BCL11A: variants seen among roughly 807,000 people sequenced by gnomAD.
The protein encoded by BCL11A is BCL11 transcription factor A.
A neutral mutation model predicts 55.9 loss-of-function variants in BCL11A; 2 were observed. The observed-to-expected ratio is 0.04, with a 90% CI of 0.01 to 0.11. The LOEUF is 0.11. Ranked by LOEUF, BCL11A falls within the 10% of genes least tolerant of loss-of-function variation. The probability of loss-of-function intolerance (pLI) is 1.00; values close to 1 mark genes in which losing one functional copy is unlikely to be tolerated. For missense variants in BCL11A, 817 were observed against 1,137.1 expected, an observed-to-expected ratio of 0.72 and a Z score of 4.05; for synonymous variants, 465 against 473.4, an observed-to-expected ratio of 0.98 and a Z score of 0.23.
chr2:60,540,198 C>A (rs1263305449), intron 2 of BCL11A, among the ~76,000 whole-genome samples: 1 of 151,910 alleles, frequency 6.6e-6, no homozygotes, highest in Admixed American at 6.6e-5. Context: ...GAAATCTGAA[C>A]AAGCAGAAAG....
At chr2:60,509,179 A>G (rs373095798) in intron 2 of BCL11A, among the ~76,000 whole-genome samples, 5 of 152,334 alleles carry the variant, frequency 3.3e-5, no homozygotes, top group South Asian at 2.1e-4. Flanking sequence ...TTACCCCCCA[A>G]TAATTTACTT....
intron 1 of BCL11A, among the ~76,000 whole-genome samples, chr2:60,552,978 T>A (rs2104800161): frequency 6.6e-6 from 1 of 151,790 alleles, no homozygotes; most frequent in Non-Finnish European, 1.5e-5. Flanking sequence ...CAAATTTTTG[T>A]AAAATTAAAT....
At chr2:60,524,741 G>T (rs1669136004) in intron 2 of BCL11A, 1 of 152,154 alleles carries the variant, frequency 6.6e-6, no homozygotes. Flanking sequence ...GATAATAAAA[G>T]AAAGTTTTAG....
chr2:60,476,183 C>G (rs1205763444), intron 2 of BCL11A, among the ~76,000 whole-genome samples: 2 of 152,164 alleles, frequency 1.3e-5, no homozygotes, highest in East Asian at 1.9e-4. Flanking sequence ...CAGGGCTGGG[C>G]TTGGTCCCCA....
At chr2:60,496,189 C>A (rs1678939261) in intron 2 of BCL11A, among the ~76,000 whole-genome samples, 1 of 152,208 alleles carries the variant, frequency 6.6e-6, no homozygotes, top group Non-Finnish European at 1.5e-5. Flanking sequence ...CGGGAAAGTT[C>A]TGGAAGTCGG....
At chr2:60,551,231 C>T (rs1410026613) in intron 1 of BCL11A, among the ~76,000 whole-genome samples, 1 of 152,256 alleles carries the variant, frequency 6.6e-6, no homozygotes. Flanking sequence ...TCCTAAGTGC[C>T]CACCGCCCGC....
chr2:60,460,325 G>C lies in BCL11A; in HGVS notation c.*79C>G. ...CTAGAAAAAAATCCTACAGGGAGTG[G>C]GGCTGGAGGGCGATGGGGAAGGGGA... On this transcript the variant is annotated 3_prime_UTR_variant, in exon 4 of 4. Transcript: ENST00000642384. 2.6e-6 allele frequency: 4 copies of C among 1,524,188 alleles called. No homozygotes were observed. Among genetic ancestry groups the C allele is most frequent in the African/African-American group, 2.8e-5 (2 of 72,288 alleles). 94.4% of individuals were successfully genotyped at this position (1,524,188 alleles called of 1,614,324 possible). A position where few individuals can be genotyped will look rare whatever the true frequency, so the allele number is the denominator to read the frequency against.
chr2:60,520,527 G>T (rs183951300), intron 2 of BCL11A, among the ~76,000 whole-genome samples: 2 of 152,036 alleles, frequency 1.3e-5, no homozygotes, highest in Admixed American at 6.5e-5. Context: ...GTACACATTC[G>T]CATTCCGTTT....
intron 2 of BCL11A, among the ~76,000 whole-genome samples, chr2:60,540,577 G>C (rs988995390): frequency 6.6e-6 from 1 of 152,068 alleles, no homozygotes; most frequent in Admixed American, 6.6e-5. Flanking sequence ...TTTTCATTGA[G>C]AAATCACAAA....
At chr2:60,520,057 T>C (rs168562) in intron 2 of BCL11A, among the ~76,000 whole-genome samples, 102,680 of 152,092 alleles carry the variant, frequency 0.68, 34,952 homozygotes, top group South Asian at 0.78. Flanking sequence ...TGTGTATTTA[T>C]GCACAAATGT....
In BCL11A at chr2:60,461,987, C is replaced by T; in HGVS notation, c.925G>A (p.Glu309Lys). The T allele has an allele frequency of 6.2e-7, 1 of 1,613,690 alleles. No homozygotes were observed. The highest frequency in any genetic ancestry group is 8.5e-7 in the Non-Finnish European group (1 of 1,180,000). ...CTAGAGAAATCCATGGCGGGAGGCTCCATAGCCATTGGATTCAACCGCAGC... is the reference window on the plus strand; with the variant it reads ...CTAGAGAAATCCATGGCGGGAGGCTTCATAGCCATTGGATTCAACCGCAGC... Reference protein sequence around the residue: ...RVLRLNPMAMEPPAMDFSRRL... With the variant: ...RVLRLNPMAMKPPAMDFSRRL... Residue 309 changes from glutamate to lysine, a missense_variant, in exon 4 of 4, where the codon GAG becomes AAG. Glu to Lys is a moderately conservative substitution (Grantham distance 56). This residue lies in a region of BCL11A where 363 missense variants were observed against 486.6 expected (regional missense o/e 0.75). Transcript: ENST00000642384.
chr2:60,485,292 A>G (rs1183249784), intron 2 of BCL11A, among the ~76,000 whole-genome samples: 1 of 152,240 alleles, frequency 6.6e-6, no homozygotes, highest in African/African-American at 2.4e-5. Flanking sequence ...TGAACGGCAC[A>G]GTGACCAGGT....
At chr2:60,542,120 T>C (rs1220977755) in intron 2 of BCL11A, 1 of 419,476 alleles carries the variant, frequency 2.4e-6, no homozygotes, top group Non-Finnish European at 4.3e-6. Flanking sequence ...AGGCAAATAA[T>C]TTTAAATACC....
intron 2 of BCL11A, among the ~76,000 whole-genome samples, chr2:60,489,562 C>T (rs1678497901): frequency 2.0e-5 from 3 of 152,198 alleles, no homozygotes; most frequent in African/African-American, 7.2e-5. Context: ...GCACCTATCT[C>T]AAAAGAAAAT....
intron 2 of BCL11A, among the ~76,000 whole-genome samples, chr2:60,523,830 T>C (rs180743188): frequency 2.6e-5 from 4 of 152,148 alleles, no homozygotes; most frequent in African/African-American, 9.7e-5. Context: ...ACTGGAAAAT[T>C]ACTTAACTAG....
intron 2 of BCL11A, among the ~76,000 whole-genome samples, chr2:60,494,992 A>G (rs1427288278): frequency 1.3e-5 from 2 of 152,234 alleles, no homozygotes; most frequent in Non-Finnish European, 1.5e-5. Flanking sequence ...GGATGGGTGG[A>G]CAGCCCGACA....
intron 2 of BCL11A, chr2:60,538,637 T>G (rs889282370): frequency 2.0e-5 from 3 of 152,108 alleles, no homozygotes; most frequent in African/African-American, 7.2e-5. Context: ...TTTAATGGAA[T>G]TCCAGTTGAA....
At chr2:60,484,297 C>A (rs1678140882) in intron 2 of BCL11A, 1 of 152,356 alleles carries the variant, frequency 6.6e-6, no homozygotes, top group Non-Finnish European at 1.5e-5. Context: ...TCACATTCAG[C>A]TGAAAATAGC....
chr2:60,468,019 G>A (rs1279529264), intron 3 of BCL11A, among the ~76,000 whole-genome samples: 4 of 93,360 alleles, frequency 4.3e-5, no homozygotes, highest in African/African-American at 9.4e-5. Flanking sequence ...TGGTGGTGGT[G>A]GTGGTAGTGG....
Sources: allele counts gnomAD v4.1 joint callset (sites outside exome capture counted in the v4.1 genomes callset), GRCh38; gene constraint gnomAD v4.1.1; regional missense constraint gnomAD v4.1.1; transcripts MANE v1.5; gene names NCBI Gene and HGNC (gene_info 2026-07-23, HGNC 2026-07-21).